TTLL5: variants seen among roughly 807,000 people sequenced by gnomAD.
TTLL5 encodes tubulin tyrosine ligase like 5.
Under a neutral mutation model 168.4 loss-of-function variants are expected in TTLL5, and 132 were observed. The observed-to-expected ratio is 0.78, with a 90% CI of 0.68 to 0.91. The LOEUF (loss-of-function observed/expected upper bound fraction) is 0.91. TTLL5 is among the 40% of genes least tolerant of loss of function. The probability of loss-of-function intolerance (pLI) is 0.00; values close to 1 mark genes in which losing one functional copy is unlikely to be tolerated. For synonymous variants in TTLL5, 546 were observed against 558.6 expected, an observed-to-expected ratio of 0.98 and a Z score of 0.32; for missense variants, 1,545 against 1,581.5, an observed-to-expected ratio of 0.98 and a Z score of 0.39.
At chr14:75,812,220 A>G (rs1894087371) in intron 27 of TTLL5, among the ~76,000 whole-genome samples, 1 of 152,116 alleles carries the variant, frequency 6.6e-6, no homozygotes, top group Non-Finnish European at 1.5e-5. Context: ...GAGCAGAGGA[A>G]GAGGAAAAGC....
intron 3 of TTLL5, among the ~76,000 whole-genome samples, chr14:75,678,020 G>A (rs1380672907): frequency 6.6e-6 from 1 of 152,064 alleles, no homozygotes; most frequent in Non-Finnish European, 1.5e-5. Context: ...CTGTGGCTGG[G>A]CAGTGAGGGG....
At chr14:75,706,791 A>G (rs1350641087) in intron 7 of TTLL5, among the ~76,000 whole-genome samples, 1 of 151,584 alleles carries the variant, frequency 6.6e-6, no homozygotes, top group Non-Finnish European at 1.5e-5. Context: ...ATTATGTGAG[A>G]GGTACTGTGT....
chr14:75,925,103 TCCCTCCCGGACGGGGCGGCTGGCCG>T (rs2033980987), intron 31 of TTLL5, among the ~76,000 whole-genome samples: 1 of 125,040 alleles, frequency 8.0e-6, no homozygotes, highest in Non-Finnish European at 1.7e-5. Context: ...CCCCCCAACC[TCCCTCCCGGACGGGGCGGCTGGCCG>T]GGCGGGTGGC....
intron 31 of TTLL5, among the ~76,000 whole-genome samples, chr14:75,934,155 A>G (rs2034363510): frequency 6.6e-6 from 1 of 152,214 alleles, no homozygotes; most frequent in Non-Finnish European, 1.5e-5. Context: ...CAATCTTTTT[A>G]TAACTTAATC....
chr14:75,904,136 T>C (rs766492101), intron 31 of TTLL5: 35 of 1,273,358 alleles, frequency 2.7e-5, no homozygotes, highest in Middle Eastern at 2.1e-4. Flanking sequence ...GGATGTGTTC[T>C]CCACTGAACA....
At chr14:75,936,475 A>G (rs1367598813) in intron 31 of TTLL5, among the ~76,000 whole-genome samples, 1 of 152,040 alleles carries the variant, frequency 6.6e-6, no homozygotes, top group East Asian at 1.9e-4. Flanking sequence ...TGTATTTCTC[A>G]TCACAGCTTC....
intron 31 of TTLL5, among the ~76,000 whole-genome samples, chr14:75,930,061 G>T (rs138473500): frequency 3.3e-4 from 51 of 152,302 alleles, no homozygotes; most frequent in Non-Finnish European, 4.4e-4. Context: ...CTAGAGTTGC[G>T]ACAAAGTTTC....
At position 75,850,406 on chromosome 14, in the gene TTLL5, C is replaced by CAAAAA. The variant is rs35336374; in HGVS notation, c.3327-13243_3327-13239dup. 1.1e-3 allele frequency among the ~76,000 whole-genome samples: 103 copies of CAAAAA among 91,266 alleles called. 1 individual carries two copies. The highest frequency in any genetic ancestry group is 6.7e-3 in the Middle Eastern group (1 of 150). The allele number at this position is 91,266 out of a possible 152,430, so 59.9% of individuals were successfully genotyped here. On this transcript the variant is annotated intron_variant, in intron 28 of 31. Transcript: ENST00000298832. ...GGGCAGCAAGAGTGAAACTCCGTCT[C>CAAAAA]AAAAAAAAAAAAAAAAAAAAAATTG...
At chr14:75,703,401 AG>A (rs1403296315) in intron 7 of TTLL5, among the ~76,000 whole-genome samples, 2 of 152,242 alleles carry the variant, frequency 1.3e-5, no homozygotes, top group Non-Finnish European at 2.9e-5. Context: ...AACACTGAAA[AG>A]AGAAGTGTGG....
At chr14:75,777,101 C>A (rs375720986) in intron 23 of TTLL5, among the ~76,000 whole-genome samples, 7 of 152,282 alleles carry the variant, frequency 4.6e-5, no homozygotes, top group African/African-American at 1.7e-4. Context: ...AAAAAGAAAT[C>A]ATTCTCAGAA....
chr14:75,716,102 A>G (rs1323400217), intron 9 of TTLL5, among the ~76,000 whole-genome samples: 3 of 152,154 alleles, frequency 2.0e-5, no homozygotes, highest in Non-Finnish European at 2.9e-5. Context: ...TGCATCTCAC[A>G]AGAATTCAGA....
intron 28 of TTLL5, among the ~76,000 whole-genome samples, chr14:75,859,488 G>A (rs1462061425): frequency 2.0e-5 from 3 of 152,172 alleles, no homozygotes; most frequent in South Asian, 4.1e-4. Context: ...CAGATGTTAA[G>A]CACAGAACCT....
chr14:75,887,085 G>T (rs913378754), intron 30 of TTLL5: 1 of 1,162,294 alleles, frequency 8.6e-7, no homozygotes, highest in African/African-American at 1.6e-5. Context: ...CTGAGTGGAA[G>T]TTGGTGGTAA....
Position 75,950,473 on chromosome 14 carries a change from T to C in TTLL5, c.3824-3951T>C, listed in dbSNP as rs190880677. On this transcript the variant is annotated intron_variant, in intron 31 of 31. Coordinates refer to ENST00000298832, the MANE Select transcript of TTLL5 (RefSeq NM_015072.5). The stretch of plus-strand genomic sequence containing the variant: ...CATGAAGATATTGTGGGAGTTTTTT[T>C]CCCTTTGTTTCTTATTCATCAGAGA... Among the ~76,000 whole-genome samples, 220 of 152,334 alleles carry C rather than the reference T, an allele frequency of 1.4e-3. 1 individual carries two copies. The highest frequency in any genetic ancestry group is 4.8e-3 in the African/African-American group (200 of 41,568).
At chr14:75,817,709 T>A (rs1408881942) in intron 27 of TTLL5, among the ~76,000 whole-genome samples, 1 of 152,134 alleles carries the variant, frequency 6.6e-6, no homozygotes, top group Non-Finnish European at 1.5e-5. Context: ...TTCACTACTG[T>A]TCTCTAGTGT....
At chr14:75,798,145 T>G (rs1025302040) in intron 27 of TTLL5, among the ~76,000 whole-genome samples, 2 of 152,058 alleles carry the variant, frequency 1.3e-5, no homozygotes, top group Non-Finnish European at 2.9e-5. Flanking sequence ...TGTTCAGAGT[T>G]TTTATTTATT....
At chr14:75,888,288 G>T (rs990873467) in intron 30 of TTLL5, among the ~76,000 whole-genome samples, 2 of 152,198 alleles carry the variant, frequency 1.3e-5, no homozygotes, top group African/African-American at 4.8e-5. Flanking sequence ...AAAGCTACAT[G>T]AGAGTCATGG....
chr14:75,729,843 A>G (rs1429817871), intron 12 of TTLL5, among the ~76,000 whole-genome samples: 5 of 152,212 alleles, frequency 3.3e-5, no homozygotes, highest in Admixed American at 2.6e-4. Context: ...TTCCCCCCTC[A>G]TATTTCCCAG....
At chr14:75,683,059 A>C (rs1884752768) in intron 4 of TTLL5, among the ~76,000 whole-genome samples, 1 of 152,206 alleles carries the variant, frequency 6.6e-6, no homozygotes, top group Admixed American at 6.5e-5. Flanking sequence ...GGCATGAGCC[A>C]CCGCACTTGT....
Sources: gnomAD v4.1 joint callset for allele counts (sites outside exome capture counted in the v4.1 genomes callset) on GRCh38, gnomAD v4.1.1 for gene constraint, MANE v1.5 for transcripts, NCBI Gene and HGNC (gene_info 2026-07-23, HGNC 2026-07-21) for gene names.